Variants in NDRG3 observed in about 807,000 individuals in gnomAD.
The protein encoded by NDRG3 is protein NDRG3.
Under a neutral mutation model 57.2 loss-of-function variants are expected in NDRG3, and 23 were observed. The observed-to-expected ratio is 0.40, with a 90% confidence interval of 0.29 to 0.57. NDRG3 has a LOEUF of 0.57. Ranked by LOEUF, NDRG3 falls within the 20% of genes least tolerant of loss-of-function variation. NDRG3 has a pLI of 0.42. For missense variants in NDRG3, 384 were observed against 457.3 expected (o/e 0.84, Z 1.46); for synonymous variants, 132 against 162.6 (o/e 0.81, Z 1.43).
chr20:36,676,497 TCATCACCCAAGCTGGAGTG>T (rs1331010706), intron 8 of NDRG3, among the ~76,000 whole-genome samples: 3 of 152,324 alleles, frequency 2.0e-5, no homozygotes, highest in African/African-American at 7.2e-5. Context: ...GGAGTTTTGC[TCATCACCCAAGCTGGAGTG>T]CAATGGCACG....
In NDRG3 at chr20:36,660,338, T is replaced by C; in HGVS notation, c.857A>G (p.Lys286Arg). 6.2e-7 allele frequency: 1 copy of C among 1,604,502 alleles called. No individual in the cohort carries two copies. Among genetic ancestry groups the C allele is most frequent in the Non-Finnish European group, 8.5e-7 (1 of 1,173,598 alleles). The part of the protein sequence containing the change: ...RLNPINTTLL[K>R]MADCGGLPQV... Reference sequence around the variant, plus strand: ...AAGTGAGGGAAGAAGGCACATTACCTTTAGCAAAGTTGTATTTATAGGGTT... The same window carrying C: ...AAGTGAGGGAAGAAGGCACATTACCCTTAGCAAAGTTGTATTTATAGGGTT... The change falls in exon 13 of 16, where the codon AAG (lysine) becomes AGG (arginine). Residue 286 changes from lysine to arginine, a missense_variant and splice_region_variant. Transcript: ENST00000349004.
chr20:36,711,474 C>T (rs1293704240), intron 2 of NDRG3, among the ~76,000 whole-genome samples: 1 of 152,100 alleles, frequency 6.6e-6, no homozygotes. Context: ...ATTAAAATCT[C>T]ATAGAATATA....
intron 1 of NDRG3, among the ~76,000 whole-genome samples, chr20:36,727,306 G>A (rs1341859429): frequency 6.6e-6 from 1 of 151,880 alleles, no homozygotes. Flanking sequence ...TGCAACCTCC[G>A]CCTCTTGGGT....
intron 13 of NDRG3, among the ~76,000 whole-genome samples, chr20:36,656,986 A>T (rs1978731577): frequency 6.6e-6 from 1 of 152,202 alleles, no homozygotes; most frequent in African/African-American, 2.4e-5. Context: ...TTGCTCAGTC[A>T]GCCACTTTCC....
intron 1 of NDRG3, among the ~76,000 whole-genome samples, chr20:36,729,635 CTCT>C (rs1985155103): frequency 6.6e-6 from 1 of 152,038 alleles, no homozygotes. Context: ...TCAAGCCATT[CTCT>C]TACCTCACCC....
intron 2 of NDRG3, among the ~76,000 whole-genome samples, chr20:36,708,077 C>A (rs1208214410): frequency 6.6e-6 from 1 of 150,636 alleles, no homozygotes; most frequent in Non-Finnish European, 1.5e-5. Context: ...GAGTGAGACT[C>A]CATTTCAAAA....
intron 3 of NDRG3, among the ~76,000 whole-genome samples, chr20:36,691,453 C>T (rs1982259493): frequency 6.6e-6 from 1 of 152,186 alleles, no homozygotes; most frequent in Admixed American, 6.5e-5. Flanking sequence ...GTGGCTCATG[C>T]CTGTAATCCC....
intron 2 of NDRG3, among the ~76,000 whole-genome samples, chr20:36,711,071 G>A (rs1430882685): frequency 2.0e-5 from 3 of 149,206 alleles, no homozygotes; most frequent in African/African-American, 7.4e-5. Flanking sequence ...ACGAGGTCAA[G>A]AGATCAAGAC....
intron 3 of NDRG3, among the ~76,000 whole-genome samples, chr20:36,704,500 T>C (rs762492140): frequency 6.6e-6 from 1 of 152,200 alleles, no homozygotes; most frequent in Non-Finnish European, 1.5e-5. Context: ...TGAATTTTAC[T>C]GTCACCCTCT....
intron 1 of NDRG3, among the ~76,000 whole-genome samples, chr20:36,739,928 A>C (rs539850318): frequency 1.4e-3 from 208 of 151,294 alleles, no homozygotes; most frequent in African/African-American, 4.3e-3. Context: ...AAAAAAAAAA[A>C]AAAACCGTAA....
intron 13 of NDRG3, among the ~76,000 whole-genome samples, chr20:36,659,016 T>TCAG (rs1978924282): frequency 2.0e-5 from 3 of 149,370 alleles, no homozygotes; most frequent in African/African-American, 7.4e-5. Context: ...GAGTGCAGCA[T>TCAG]CAGGAGCACA....
chr20:36,733,524 A>G (rs1985448968), intron 1 of NDRG3, among the ~76,000 whole-genome samples: 2 of 151,898 alleles, frequency 1.3e-5, no homozygotes, highest in Admixed American at 6.6e-5. Flanking sequence ...AGAGATTGAG[A>G]CCATCCTGGC....
intron 8 of NDRG3, among the ~76,000 whole-genome samples, chr20:36,679,784 G>A (rs1456490399): frequency 7.9e-5 from 12 of 151,174 alleles, no homozygotes; most frequent in Non-Finnish European, 5.9e-5. Context: ...AATTACAGGC[G>A]TGAGCCACCG....
chr20:36,682,546 G>GCTCCAA lies in NDRG3; in HGVS notation c.410_415dup (p.Val137_Gly138dup). 1 of 1,614,042 alleles carries GCTCCAA rather than the reference G, an allele frequency of 6.2e-7. No individual in the cohort carries two copies. Among genetic ancestry groups the GCTCCAA allele is most frequent in the Non-Finnish European group, 8.5e-7 (1 of 1,179,920 alleles). ...AAATCTGCTGAGGATGTAAGCTCCA[G>GCTCCAA]CTCCAACTCCAATTCCAATGATGCT... On this transcript the variant is annotated inframe_insertion, in exon 7 of 16. Coordinates refer to ENST00000349004, the MANE Select transcript of NDRG3 (RefSeq NM_032013.4).
At chr20:36,710,421 C>T (rs746618068) in intron 2 of NDRG3, among the ~76,000 whole-genome samples, 4 of 152,084 alleles carry the variant, frequency 2.6e-5, no homozygotes, top group Non-Finnish European at 5.9e-5. Context: ...ATATTATGTA[C>T]AATGAGCATG....
intron 8 of NDRG3, among the ~76,000 whole-genome samples, chr20:36,676,281 T>C (rs978155096): frequency 6.6e-6 from 1 of 152,066 alleles, no homozygotes; most frequent in Non-Finnish European, 1.5e-5. Context: ...TAAAATGAGA[T>C]TAACAGATTA....
chr20:36,735,492 A>G (rs1460463132), intron 1 of NDRG3, among the ~76,000 whole-genome samples: 1 of 152,206 alleles, frequency 6.6e-6, no homozygotes, highest in Non-Finnish European at 1.5e-5. Context: ...TTGAGTTATC[A>G]TGTTTACATT....
intron 7 of NDRG3, among the ~76,000 whole-genome samples, chr20:36,681,342 T>C (rs957853604): frequency 1.3e-5 from 2 of 151,700 alleles, no homozygotes; most frequent in Non-Finnish European, 2.9e-5. Flanking sequence ...AAAAAAATAA[T>C]GATAATAATG....
At chr20:36,715,316 C>T (rs368781581) in intron 2 of NDRG3, among the ~76,000 whole-genome samples, 16 of 151,300 alleles carry the variant, frequency 1.1e-4, no homozygotes, top group African/African-American at 3.4e-4. Context: ...CTACCTGCTT[C>T]GGAACCCATT....
Sources: gnomAD v4.1 joint callset for allele counts (sites outside exome capture counted in the v4.1 genomes callset) on GRCh38, gnomAD v4.1.1 for gene constraint, MANE v1.5 for transcripts, NCBI Gene and HGNC (gene_info 2026-07-23, HGNC 2026-07-21) for gene names.